The following SDHB variants were observed in gnomAD, a reference collection of about 807,000 sequenced individuals.
The protein encoded by SDHB is succinate dehydrogenase [ubiquinone] iron-sulfur subunit, mitochondrial.
In SDHB, 21 loss-of-function variants were observed where a neutral mutation model predicts 39.7. The ratio of observed to expected loss-of-function variants is 0.53; its 90% CI spans 0.37 to 0.76. The LOEUF is 0.76. SDHB is among the 30% of genes least tolerant of loss of function. The probability of loss-of-function intolerance (pLI) is 0.00; values close to 1 mark genes in which losing one functional copy is unlikely to be tolerated. For synonymous variants in SDHB, 118 were observed against 117.0 expected (o/e 1.01, Z -0.06); for missense variants, 343 against 350.9 (o/e 0.98, Z 0.18).
chr1:17,045,622 A>C (rs9435746), intron 1 of SDHB, among the ~76,000 whole-genome samples: 64,000 of 152,004 alleles, frequency 0.42, 15,122 homozygotes, highest in Non-Finnish European at 0.54. Context: ...AAAAAAGAAA[A>C]AAAGAAAGAA....
At chr1:17,033,184 T>G in intron 2 of SDHB, 39 bp from the exon 3 acceptor site, 1 of 1,390,986 alleles carries the variant, frequency 7.2e-7, no homozygotes, top group African/African-American at 1.4e-5. Flanking sequence ...TATGTAACGT[T>G]CAACCTCCCT....
chr1:17,046,809 C>T (rs565162337), intron 1 of SDHB, among the ~76,000 whole-genome samples: 5 of 152,088 alleles, frequency 3.3e-5, no homozygotes, highest in African/African-American at 7.2e-5. Flanking sequence ...CCTCCGCCTC[C>T]CCGGTTCAAG....
At chr1:17,053,497 G>A (rs2078159985) in intron 1 of SDHB, among the ~76,000 whole-genome samples, 1 of 151,896 alleles carries the variant, frequency 6.6e-6, no homozygotes, top group Non-Finnish European at 1.5e-5. Context: ...CACCCATCCC[G>A]GTCCTCAACC....
chr1:17,045,177 T>A (rs2078102576), intron 1 of SDHB: 2 of 414,872 alleles, frequency 4.8e-6, no homozygotes, highest in Non-Finnish European at 9.0e-6. Flanking sequence ...ACATTCACGA[T>A]GAATATAAAG....
intron 2 of SDHB, among the ~76,000 whole-genome samples, chr1:17,041,786 G>A (rs570167228): frequency 1.3e-4 from 20 of 152,304 alleles, no homozygotes; most frequent in African/African-American, 2.9e-4. Flanking sequence ...ATGGCTGCAC[G>A]CAAGATGTGG....
intron 3 of SDHB, among the ~76,000 whole-genome samples, chr1:17,029,895 G>A (rs1213982702): frequency 2.0e-5 from 3 of 152,094 alleles, no homozygotes; most frequent in African/African-American, 7.2e-5. Flanking sequence ...CGCCATGTGC[G>A]GCGAATTCAA....
intron 5 of SDHB, among the ~76,000 whole-genome samples, chr1:17,024,322 A>G (rs981486887): frequency 6.6e-6 from 1 of 152,230 alleles, no homozygotes; most frequent in African/African-American, 2.4e-5. Context: ...TTTAATAAAC[A>G]AGAACCTCTC....
chr1:17,028,777 G>A (rs752308450), intron 3 of SDHB, 41 bp from the exon 4 acceptor site: 19 of 1,609,324 alleles, frequency 1.2e-5, no homozygotes, highest in Middle Eastern at 1.6e-4. Flanking sequence ...ACCCATATCC[G>A]GAATCAGTCC....
chr1:17,053,859 T>C lies in SDHB; in HGVS notation c.72+89A>G, dbSNP rs2078162214. The C allele has an allele frequency of 8.2e-6, 8 of 971,146 alleles. No homozygotes were observed. In the South Asian group the frequency reaches 9.6e-5, roughly 12 times the overall value. 60.2% of individuals were successfully genotyped at this position (971,146 alleles called of 1,614,324 possible). ...TCCATCTCCCTGAGGCCTTGCCCTA[T>C]GCTTCCTCAGTCTCTCCGCAGCCCC... On this transcript the variant is annotated intron_variant, in intron 1 of 7. Transcript: ENST00000375499.
At chr1:17,043,077 T>G (rs2078090507) in intron 2 of SDHB, among the ~76,000 whole-genome samples, 1 of 145,616 alleles carries the variant, frequency 6.9e-6, no homozygotes, top group South Asian at 2.3e-4. Context: ...TTCTCATGCC[T>G]CAGCCTCCCA....
intron 5 of SDHB, among the ~76,000 whole-genome samples, chr1:17,027,344 A>G (rs1197065082): frequency 6.6e-6 from 1 of 152,156 alleles, no homozygotes; most frequent in Non-Finnish European, 1.5e-5. Context: ...TGCCATTAAC[A>G]TTTCACTCCC....
intron 2 of SDHB, among the ~76,000 whole-genome samples, chr1:17,034,134 C>A (rs2078037171): frequency 6.7e-6 from 1 of 150,020 alleles, no homozygotes; most frequent in Admixed American, 6.8e-5. Flanking sequence ...TCCTTTAGTA[C>A]TATCTGTATT....
intron 7 of SDHB, among the ~76,000 whole-genome samples, chr1:17,021,630 A>G (rs2077962509): frequency 6.6e-6 from 1 of 151,892 alleles, no homozygotes; most frequent in South Asian, 2.1e-4. Context: ...CTGTAATCCC[A>G]GCTACTCGGG....
At chr1:17,032,855 GA>G in intron 3 of SDHB, 1 of 630,374 alleles carries the variant, frequency 1.6e-6, no homozygotes, top group East Asian at 2.8e-5. Context: ...GAATGCTCCT[GA>G]AGGAAAGTAA....
In SDHB at chr1:17,047,602, G is replaced by C. The variant is rs562977548; in HGVS notation, c.73-2714C>G. Among the ~76,000 whole-genome samples the C allele has an allele frequency of 4.6e-5, 7 of 151,342 alleles. No individual in the cohort carries two copies. The East Asian group carries it at 1.4e-3, about 29-fold the overall frequency. On this transcript the variant is annotated intron_variant, in intron 1 of 7. Coordinates refer to ENST00000375499, the MANE Select transcript of SDHB (RefSeq NM_003000.3). ...GGAGGCTGAGGCAGGAGAATGGCTT[G>C]AACTTGGGAGGTAAAGGTTGCAGTG...
chr1:17,039,450 A>C (rs1027152019), intron 2 of SDHB, among the ~76,000 whole-genome samples: 1 of 148,766 alleles, frequency 6.7e-6, no homozygotes, highest in African/African-American at 2.5e-5. Context: ...GGCCAGGCAT[A>C]GTGGTACATG....
chr1:17,032,962 C>T lies in SDHB; in HGVS notation c.286+98G>A. ...CACAGCAAGTTCACCCAGCAGAGAG[C>T]TGCAGCTGTTTTCCAGATGTCTCTA... is the stretch of plus-strand genomic sequence containing the variant. On this transcript the variant is annotated intron_variant, in intron 3 of 7. Transcript: ENST00000375499. 3 of 877,840 alleles carry T rather than the reference C, an allele frequency of 3.4e-6. No homozygotes were observed. The Admixed American group carries it at 5.5e-5, about 16-fold the overall frequency. The allele number at this position is 877,840 out of a possible 1,614,324, so 54.4% of individuals were successfully genotyped here.
intron 2 of SDHB, among the ~76,000 whole-genome samples, chr1:17,044,376 G>A (rs767733608): frequency 6.6e-6 from 1 of 150,652 alleles, no homozygotes; most frequent in Non-Finnish European, 1.5e-5. Flanking sequence ...CCAGGCTGGA[G>A]TGCAATGGCA....
intron 5 of SDHB, 149 bp from the exon 6 acceptor site, chr1:17,024,223 G>C: frequency 1.4e-6 from 1 of 697,284 alleles, no homozygotes; most frequent in South Asian, 1.5e-5. Context: ...GGGGTGATTT[G>C]CAGATATTTA....
Sources: gnomAD v4.1 joint callset for allele counts (sites outside exome capture counted in the v4.1 genomes callset) on GRCh38, gnomAD v4.1.1 for gene constraint, MANE v1.5 for transcripts, NCBI Gene and HGNC (gene_info 2026-07-23, HGNC 2026-07-21) for gene names.